AHNAK: variants seen among roughly 807,000 people sequenced by gnomAD.
The protein encoded by AHNAK is neuroblast differentiation-associated protein AHNAK.
In AHNAK, 23 loss-of-function variants were observed where a neutral mutation model predicts 37.8. That is an observed-to-expected ratio of 0.61 (90% CI 0.44 to 0.86). The LOEUF is 0.86. Among genes scored for constraint, AHNAK ranks in the 40% least tolerant of loss-of-function variants. The pLI is 0.00. For synonymous variants in AHNAK, 2,481 were observed against 2,636.3 expected (o/e 0.94, Z 1.80); for missense variants, 7,411 against 7,319.4 (o/e 1.01, Z -0.46).
chr11:62,470,193 A>T (rs533453078), intron 5 of AHNAK, among the ~76,000 whole-genome samples: 1 of 152,330 alleles, frequency 6.6e-6, no homozygotes, highest in East Asian at 1.9e-4. Flanking sequence ...CACGCCTGTA[A>T]TCCCAGCACT....
Position 62,527,469 on chromosome 11 carries a change from A to C in AHNAK, c.6948T>G (p.Asp2316Glu), listed in dbSNP as rs200291604. 2.5e-6 allele frequency: 4 copies of C among 1,613,868 alleles called. No homozygotes were observed. Among genetic ancestry groups the C allele is most frequent in the South Asian group, 1.1e-5 (1 of 91,062 alleles). ...TGGGTCCCTTTAAATTGAAATCAAC[A>C]TCAGGCATGGAGATCTTGGGGGTCT... ...HFKTPKISMPDVDFNLKGPKI... is the reference protein window; with the variant it reads ...HFKTPKISMPEVDFNLKGPKI... Residue 2316 changes from aspartate to glutamate, a missense_variant, in exon 5 of 5, where the codon GAT (aspartate) becomes GAG (glutamate). Transcript: ENST00000378024.
At position 62,479,032 on chromosome 11, in the gene AHNAK, C is replaced by T. The variant is rs992491673; in HGVS notation, c.442+12700G>A. ...CTGGAACTACAGACACATGCCACTG[C>T]GCTCGGCTAATTTCTTTTCATTAAT... is the stretch of plus-strand genomic sequence containing the variant. On this transcript the variant is annotated intron_variant, in intron 5 of 5. Transcript: ENST00000257247. 2.6e-5 allele frequency among the ~76,000 whole-genome samples: 4 copies of T among 152,180 alleles called. No homozygotes were observed. The East Asian group carries it at 7.7e-4, about 29-fold the overall frequency.
chr11:62,458,870 C>T (rs1471904000), intron 5 of AHNAK, among the ~76,000 whole-genome samples: 3 of 152,202 alleles, frequency 2.0e-5, no homozygotes, highest in Admixed American at 6.5e-5. Flanking sequence ...TAGGAATTTG[C>T]CCCAAGTACC....
At chr11:62,505,290 G>T (rs926981794) in intron 4 of AHNAK, among the ~76,000 whole-genome samples, 1 of 152,068 alleles carries the variant, frequency 6.6e-6, no homozygotes, top group Non-Finnish European at 1.5e-5. Flanking sequence ...CAACCCCAGG[G>T]GATAAAAATC....
intron 4 of AHNAK, 36 bp from the exon 5 acceptor site, chr11:62,534,110 A>G (rs768831176): frequency 1.3e-6 from 2 of 1,509,420 alleles, no homozygotes; most frequent in Non-Finnish European, 1.8e-6. Context: ...GTTGCAGCAG[A>G]GTCTGCCTGA....
chr11:62,518,014 G>A lies in AHNAK; in HGVS notation c.16403C>T (p.Thr5468Ile). 6.2e-7 allele frequency: 1 copy of A among 1,614,182 alleles called. No individual in the cohort carries two copies. The highest frequency in any genetic ancestry group is 8.5e-7 in the Non-Finnish European group (1 of 1,180,042). ...GPKVKGSLGA[T>I]GEIKGPTVGG... is the part of the protein sequence containing the mutation. Reference sequence around the variant, plus strand: ...GACAGTGGGGCCTTTGATCTCACCAGTGGCCCCAAGGCTCCCTTTCACTTT... The same window carrying A: ...GACAGTGGGGCCTTTGATCTCACCAATGGCCCCAAGGCTCCCTTTCACTTT... Residue 5468 changes from threonine (T) to isoleucine (I), a missense_variant, in exon 5 of 5, where the codon ACT becomes ATT. Coordinates refer to ENST00000378024, the MANE Select transcript of AHNAK (RefSeq NM_001620.3).
At chr11:62,486,481 C>CA (rs904848526) in intron 5 of AHNAK, among the ~76,000 whole-genome samples, 20 of 111,732 alleles carry the variant, frequency 1.8e-4, no homozygotes, top group Admixed American at 1.1e-3. Flanking sequence ...AACTCTGTCT[C>CA]AAAAAAAAGA....
At chr11:62,534,334 T>C (rs1257424164) in intron 4 of AHNAK, among the ~76,000 whole-genome samples, 1 of 152,148 alleles carries the variant, frequency 6.6e-6, no homozygotes, top group Non-Finnish European at 1.5e-5. Flanking sequence ...GGTATACTCT[T>C]GGACTGGGAG....
At position 62,521,932 on chromosome 11, in the gene AHNAK, T is replaced by C; in HGVS notation, c.12485A>G (p.Glu4162Gly). 1 of 1,613,358 alleles carries C rather than the reference T, an allele frequency of 6.2e-7. No homozygotes were observed. Among genetic ancestry groups the C allele is most frequent in the Non-Finnish European group, 8.5e-7 (1 of 1,179,858 alleles). ...CACTTTGGGGCCCTTGATGTCAACT[T>C]CAGGGCCCTTGAGGTCGCCTTCCAC... ...PKVEGDLKGP[E>G]VDIKGPKVDI... Residue 4162 changes from glutamate to glycine, a missense_variant, in exon 5 of 5, where the codon GAA (glutamate) becomes GGA (glycine). Glu to Gly is a moderately conservative substitution (Grantham distance 98). Coordinates refer to ENST00000378024, the MANE Select transcript of AHNAK (RefSeq NM_001620.3).
Position 62,533,888 on chromosome 11 carries a change from T to G in AHNAK, c.529A>C (p.Ser177Arg). Residue 177 changes from serine to arginine, a missense_variant, in exon 5 of 5, where the codon AGC (serine) becomes CGC (arginine). By Grantham distance (110) the Ser-to-Arg change is moderately radical. Coordinates refer to ENST00000378024, the MANE Select transcript of AHNAK (RefSeq NM_001620.3). ...REGAKDIDISSPEFKIKIPRH... is the reference protein window; with the variant it reads ...REGAKDIDISRPEFKIKIPRH... Reference sequence around the variant, plus strand: ...GGAATCTTGATCTTGAATTCAGGGCTACTGATGTCTATGTCCTTGGCTCCT... The same window carrying G: ...GGAATCTTGATCTTGAATTCAGGGCGACTGATGTCTATGTCCTTGGCTCCT... The G allele has an allele frequency of 6.2e-7, 1 of 1,614,234 alleles. No individual in the cohort carries two copies. The highest frequency in any genetic ancestry group is 2.2e-5 in the East Asian group (1 of 44,884).
rs1351401347 is a variant in AHNAK at position 62,521,914 on chromosome 11, G to A, written c.12503C>T (p.Pro4168Leu). 2 of 1,613,432 alleles carry A rather than the reference G, an allele frequency of 1.2e-6. No homozygotes were observed. Among genetic ancestry groups the A allele is most frequent in the South Asian group, 1.1e-5 (1 of 91,038 alleles). The change falls in exon 5 of 5, where the codon CCC (proline) becomes CTC (leucine). Residue 4168 changes from proline (P) to leucine (L), a missense_variant. Physicochemically the swap from Pro to Leu is moderately conservative, Grantham distance 98. Transcript: ENST00000378024. ...LKGPEVDIKG[P>L]KVDIDVPDVD... is the part of the protein sequence containing the mutation. ...ATCTGGGACATCAATGTCCACTTTG[G>A]GGCCCTTGATGTCAACTTCAGGGCC...
At chr11:62,513,238 C>CA (rs1939946287), downstream of AHNAK, among the ~76,000 whole-genome samples, 1 of 152,108 alleles carries the variant, frequency 6.6e-6, no homozygotes, top group South Asian at 2.1e-4. Context: ...CTGGTTCCTG[C>CA]AAGACTTTAG....
rs1940032005 is a variant in AHNAK, at chr11:62,516,796, A to C, written c.17621T>G (p.Val5874Gly). 2.5e-6 allele frequency: 4 copies of C among 1,613,938 alleles called. No individual in the cohort carries two copies. The highest frequency in any genetic ancestry group is 3.4e-6 in the Non-Finnish European group (4 of 1,179,936). Residue 5874 changes from valine (V) to glycine (G), a missense_variant, in exon 5 of 5, where the codon GTT becomes GGT. By Grantham distance (109) the Val-to-Gly change is moderately radical. Transcript: ENST00000378024. ...SSSSNDSGNKVGIQLPEVELS... is the reference protein window; with the variant it reads ...SSSSNDSGNKGGIQLPEVELS... ...CTCCACCTCGGGAAGCTGGATGCCA[A>C]CCTTATTCCCACTGTCATTGCTAGA...
intron 5 of AHNAK, among the ~76,000 whole-genome samples, chr11:62,489,240 CAA>C (rs796392296): frequency 4.4e-4 from 44 of 99,192 alleles, no homozygotes; most frequent in Admixed American, 6.7e-4. Flanking sequence ...GACTCCATCT[CAA>C]AAAAAAAAAA....
At chr11:62,493,418 C>G (rs1277930279) in intron 4 of AHNAK, among the ~76,000 whole-genome samples, 1 of 151,296 alleles carries the variant, frequency 6.6e-6, no homozygotes, top group Non-Finnish European at 1.5e-5. Flanking sequence ...CTCTGCCTCC[C>G]GGGTTCAAGC....
At position 62,527,180 on chromosome 11, in the gene AHNAK, C is replaced by T. The variant is rs1352771981; in HGVS notation, c.7237G>A (p.Gly2413Arg). The change falls in exon 5 of 5, where the codon GGG becomes AGG. Residue 2413 changes from glycine (G) to arginine (R), a missense_variant. Coordinates refer to ENST00000378024, the MANE Select transcript of AHNAK (RefSeq NM_001620.3). ...TCCACATGTGGCCCTTTAAGGTCCC[C>T]TTCCAATTTGGGAACATCTACATCC... Reference protein sequence around the residue: ...EVDVDVPKLEGDLKGPHVDVS... With the variant: ...EVDVDVPKLERDLKGPHVDVS... The T allele has an allele frequency of 1.2e-6, 2 of 1,611,010 alleles. No individual in the cohort carries two copies. Among genetic ancestry groups the T allele is most frequent in the South Asian group, 2.2e-5 (2 of 90,432 alleles).
At chr11:62,504,276 T>C (rs184331357) in intron 4 of AHNAK, among the ~76,000 whole-genome samples, 230 of 152,170 alleles carry the variant, frequency 1.5e-3, no homozygotes, top group Admixed American at 3.5e-3. Flanking sequence ...AAACATGATG[T>C]TTAAATAGCG....
intron 5 of AHNAK, among the ~76,000 whole-genome samples, chr11:62,479,468 CTT>C (rs10616715): frequency 0.76 from 113,985 of 149,544 alleles, 49,545 homozygotes; most frequent in Non-Finnish European, 0.96. Flanking sequence ...TGCCCAGCCC[CTT>C]TTTTTTTTTT....
intron 4 of AHNAK, among the ~76,000 whole-genome samples, chr11:62,507,153 G>C (rs1939827277): frequency 6.6e-6 from 1 of 152,054 alleles, no homozygotes; most frequent in Non-Finnish European, 1.5e-5. Context: ...ACCAGAGCAA[G>C]CAGAATGCTA....
Sources: allele counts gnomAD v4.1 joint callset (sites outside exome capture counted in the v4.1 genomes callset), GRCh38; gene constraint gnomAD v4.1.1; transcripts MANE v1.5; gene names NCBI Gene and HGNC (gene_info 2026-07-23, HGNC 2026-07-21).